Variants in MRPL14 observed in about 807,000 individuals in gnomAD.
MRPL14 encodes the protein large ribosomal subunit protein uL14m.
A neutral mutation model predicts 10.9 loss-of-function variants in MRPL14; 8 were observed. The observed-to-expected ratio is 0.74, with a 90% CI of 0.43 to 1.33. The LOEUF (loss-of-function observed/expected upper bound fraction) is 1.33, where lower values mean the gene tolerates loss of function less well. Among genes scored for constraint, MRPL14 ranks in the 40% most tolerant of loss-of-function variants. The pLI is 0.01. For synonymous variants in MRPL14, 82 were observed against 74.1 expected, an observed-to-expected ratio of 1.11 and a Z score of -0.54; for missense variants, 179 against 194.5, an observed-to-expected ratio of 0.92 and a Z score of 0.47.
At chr6:44,114,759 C>G (rs954769817) in intron 2 of MRPL14, among the ~76,000 whole-genome samples, 7 of 152,192 alleles carry the variant, frequency 4.6e-5, no homozygotes, top group Admixed American at 6.5e-5. Context: ...CATGCGCCTG[C>G]TGCCATGCCC....
At chr6:44,116,396 C>A (rs1775852000) in intron 2 of MRPL14, 145 bp downstream of exon 2, 2 of 766,516 alleles carry the variant, frequency 2.6e-6, no homozygotes, top group African/African-American at 1.7e-5. Flanking sequence ...ACCAACCAGG[C>A]CAGCTCAGCC....
chr6:44,121,936 C>CA (rs61174423), intron 1 of MRPL14, among the ~76,000 whole-genome samples: 1,863 of 134,716 alleles, frequency 0.014, 18 homozygotes, highest in Non-Finnish European at 0.023. Context: ...AAGACTGTCT[C>CA]AAAAAAAAAA....
At chr6:44,118,444 A>C (rs1228081150) in intron 1 of MRPL14, among the ~76,000 whole-genome samples, 1 of 152,182 alleles carries the variant, frequency 6.6e-6, no homozygotes, top group East Asian at 1.9e-4. Context: ...GAGTCCCACA[A>C]TTAGTCAAGG....
intron 1 of MRPL14, among the ~76,000 whole-genome samples, chr6:44,122,107 G>C (rs1776496120): frequency 6.6e-6 from 1 of 151,476 alleles, no homozygotes; most frequent in Non-Finnish European, 1.5e-5. Flanking sequence ...TTTGGAGACG[G>C]AGTCCTGCTC....
rs776877378 is a variant in MRPL14 at position 44,116,507 on chromosome 6, GAC to G, written c.71+32_71+33del. The G allele has an allele frequency of 3.7e-6, 6 of 1,602,920 alleles. No homozygotes were observed. In the African/African-American group the frequency reaches 6.7e-5, roughly 18 times the overall value. On this transcript the variant is annotated intron_variant, in intron 2 of 2. Transcript: ENST00000372014. The stretch of plus-strand genomic sequence containing the variant: ...AGCCCTGATAGGAAGCTTACACAAA[GAC>G]ACAGTTTTAAGAACTTAATGGGAAA...
chr6:44,114,632 G>A (rs565514599), intron 2 of MRPL14, among the ~76,000 whole-genome samples: 2 of 151,710 alleles, frequency 1.3e-5, no homozygotes, highest in Non-Finnish European at 2.9e-5. Flanking sequence ...TTTTTGAGAC[G>A]GAGTCTCGCT....
At chr6:44,114,468 G>A (rs142282954) in intron 2 of MRPL14, among the ~76,000 whole-genome samples, 18 of 152,302 alleles carry the variant, frequency 1.2e-4, no homozygotes, top group Non-Finnish European at 2.6e-4. Context: ...CAATTTTTCT[G>A]TGACAATGAA....
chr6:44,119,042 A>C (rs559175191), intron 1 of MRPL14, among the ~76,000 whole-genome samples: 5 of 152,220 alleles, frequency 3.3e-5, no homozygotes, highest in Admixed American at 6.5e-5. Flanking sequence ...TGTTATACAC[A>C]AGGAAATAAA....
chr6:44,113,882 C>T lies in MRPL14; in HGVS notation c.399G>A (p.Glu133=). The part of the protein sequence containing the change: ...IPTSLRKREG[E]YSKVLAIAQN... The stretch of plus-strand genomic sequence containing the variant: ...GAGCAATGGCCAGCACCTTGGAATA[C>T]TCGCCTTCCCGCTTGCGCAGGCTGG... Residue 133 remains glutamate, a synonymous_variant, in exon 3 of 3, where the codon GAG becomes GAA. Transcript: ENST00000372014. 1 of 1,594,414 alleles carries T rather than the reference C, an allele frequency of 6.3e-7. No homozygotes were observed. The highest frequency in any genetic ancestry group is 2.2e-5 in the East Asian group (1 of 44,448).
intron 1 of MRPL14, among the ~76,000 whole-genome samples, chr6:44,123,417 A>C (rs1303458935): frequency 2.6e-5 from 4 of 152,248 alleles, no homozygotes; most frequent in Non-Finnish European, 5.9e-5. Flanking sequence ...GCAAGGCTGC[A>C]ACATAATCTT....
intron 1 of MRPL14, among the ~76,000 whole-genome samples, chr6:44,120,878 G>C (rs1426602332): frequency 6.7e-6 from 1 of 148,602 alleles, no homozygotes; most frequent in Non-Finnish European, 1.5e-5. Flanking sequence ...TGCTGTAAGA[G>C]AATGATGGTG....
Position 44,120,955 on chromosome 6 carries a change from C to T in MRPL14, c.-18-4326G>A, listed in dbSNP as rs532469699. ...CTGGACTCACCTCCTGGGCCTGGTG[C>T]CTACACTGCCTACTATGGAAAATGC... On this transcript the variant is annotated intron_variant, in intron 1 of 2. Transcript: ENST00000372014. Among the ~76,000 whole-genome samples the T allele has an allele frequency of 3.3e-5, 5 of 152,252 alleles. No homozygotes were observed. In the South Asian group the frequency reaches 1.0e-3, roughly 32 times the overall value.
intron 2 of MRPL14, among the ~76,000 whole-genome samples, chr6:44,114,510 T>G (rs903297806): frequency 6.6e-6 from 1 of 152,238 alleles, no homozygotes; most frequent in African/African-American, 2.4e-5. Context: ...AAGCCTTTGC[T>G]TTCCAAAAGG....
At chr6:44,126,035 C>A (rs1438523616) in intron 1 of MRPL14, among the ~76,000 whole-genome samples, 1 of 152,170 alleles carries the variant, frequency 6.6e-6, no homozygotes, top group East Asian at 1.9e-4. Flanking sequence ...CACACAGTAA[C>A]CTCCGTGAAG....
rs747669917 is a variant in MRPL14, at chr6:44,113,905, T to TG, written c.375dup (p.Ser126GlnfsTer23). On this transcript the variant is annotated frameshift_variant, in exon 3 of 3. Coordinates refer to ENST00000372014, the MANE Select transcript of MRPL14 (RefSeq NM_032111.4). LOFTEE classifies it high-confidence loss of function. The stretch of plus-strand genomic sequence containing the variant: ...TACTCGCCTTCCCGCTTGCGCAGGC[T>TG]GGTGGGGATGGGTGTCTTAATTCGT... 1.7e-5 allele frequency: 28 copies of TG among 1,605,606 alleles called. No homozygotes were observed. Among genetic ancestry groups the TG allele is most frequent in the Non-Finnish European group, 2.4e-5 (28 of 1,173,248 alleles).
At chr6:44,118,617 C>A (rs929666954) in intron 1 of MRPL14, among the ~76,000 whole-genome samples, 2 of 152,200 alleles carry the variant, frequency 1.3e-5, no homozygotes, top group African/African-American at 4.8e-5. Flanking sequence ...GAACACTTAT[C>A]AAATGGTTAC....
In MRPL14 at chr6:44,126,703, A is replaced by G. The variant is rs186535752; in HGVS notation, c.-19+641T>C. On this transcript the variant is annotated intron_variant, in intron 1 of 2. Coordinates refer to ENST00000372014, the MANE Select transcript of MRPL14 (RefSeq NM_032111.4). ...TTTTTGTCCCCTCCAGGAACCAGAA[A>G]TTAAATGACCAGGTTGGTGCCCGTT... Among the ~76,000 whole-genome samples, 3 of 152,334 alleles carry G rather than the reference A, an allele frequency of 2.0e-5. No individual in the cohort carries two copies. The East Asian group carries it at 5.8e-4, about 29-fold the overall frequency.
rs900602744 is a variant in MRPL14 at position 44,113,638 on chromosome 6, C to T, written c.*205G>A. 1.9e-6 allele frequency: 1 copy of T among 532,490 alleles called. No homozygotes were observed. Among genetic ancestry groups the T allele is most frequent in the African/African-American group, 1.9e-5 (1 of 52,472 alleles). 33.0% of individuals were successfully genotyped at this position (532,490 alleles called of 1,614,324 possible). On this transcript the variant is annotated 3_prime_UTR_variant, in exon 3 of 3. Coordinates refer to ENST00000372014, the MANE Select transcript of MRPL14 (RefSeq NM_032111.4). ...GGCCAGACTCGGGTAAGCCACCTTT[C>T]AACTGCTTCAGTGTAATTTATTTTC...
chr6:44,119,214 T>C (rs1437803781), intron 1 of MRPL14, among the ~76,000 whole-genome samples: 1 of 152,144 alleles, frequency 6.6e-6, no homozygotes, highest in Non-Finnish European at 1.5e-5. Flanking sequence ...ATTAAATCAT[T>C]CTTGTTCCAT....
Sources: gnomAD v4.1 joint callset for allele counts (sites outside exome capture counted in the v4.1 genomes callset) on GRCh38, gnomAD v4.1.1 for gene constraint, MANE v1.5 for transcripts, NCBI Gene and HGNC (gene_info 2026-07-23, HGNC 2026-07-21) for gene names.